The following CIP2A variants were observed in gnomAD, a reference collection of about 807,000 sequenced individuals.
The protein encoded by CIP2A is protein CIP2A.
In CIP2A, 103 loss-of-function variants were observed where a neutral mutation model predicts 110.9. That is an observed-to-expected ratio of 0.93 (90% CI 0.79 to 1.09). The LOEUF (loss-of-function observed/expected upper bound fraction) is 1.09, where lower values mean the gene tolerates loss of function less well. Ranked by LOEUF, CIP2A falls within the 50% of genes least tolerant of loss-of-function variation. CIP2A has a pLI of 0.00. For missense variants in CIP2A, 1,088 were observed against 1,038.4 expected (o/e 1.05, Z -0.66); for synonymous variants, 381 against 361.6 (o/e 1.05, Z -0.61).
Position 108,589,343 on chromosome 3 carries a change from G to C in CIP2A, c.33C>G (p.Leu11=), listed in dbSNP as rs62638698. The part of the protein sequence containing the change: MDSTACLKSL[L]LTVSQYKAVK... ...CGGCTTTGTACTGACTGACAGTCAG[G>C]AGCAAGGACTTCAAGCAGGCAGTGG... Residue 11 remains leucine, a synonymous_variant, in exon 1 of 21, where the codon CTC becomes CTG. Coordinates refer to ENST00000295746, the MANE Select transcript of CIP2A (RefSeq NM_020890.3). 10 of 1,613,914 alleles carry C rather than the reference G, an allele frequency of 6.2e-6. No homozygotes were observed. The South Asian group carries it at 9.9e-5, about 16-fold the overall frequency.
intron 1 of CIP2A, among the ~76,000 whole-genome samples, chr3:108,587,924 G>C (rs1293101783): frequency 6.6e-6 from 1 of 152,114 alleles, no homozygotes; most frequent in South Asian, 2.1e-4. Flanking sequence ...TGGGACAACA[G>C]AGAGACGCCA....
intron 2 of CIP2A, among the ~76,000 whole-genome samples, chr3:108,584,331 C>T (rs1324368647): frequency 6.6e-6 from 1 of 152,044 alleles, no homozygotes; most frequent in Admixed American, 6.6e-5. Context: ...AATTAAAGAT[C>T]CAAAAGTATT....
chr3:108,558,512 G>A (rs1195267402), intron 16 of CIP2A, among the ~76,000 whole-genome samples: 2 of 152,040 alleles, frequency 1.3e-5, no homozygotes, highest in Non-Finnish European at 2.9e-5. Flanking sequence ...CACCTATTAT[G>A]TGCCAAGTGC....
intron 13 of CIP2A, among the ~76,000 whole-genome samples, chr3:108,562,793 G>A (rs1396847835): frequency 2.0e-5 from 3 of 151,990 alleles, no homozygotes; most frequent in Non-Finnish European, 4.4e-5. Context: ...TAAACAGTCA[G>A]GAAGGAAAAG....
chr3:108,581,630 GC>G, intron 4 of CIP2A, 119 bp from the exon 5 acceptor site: 1 of 590,850 alleles, frequency 1.7e-6, no homozygotes, highest in Non-Finnish European at 2.9e-6. Flanking sequence ...CCTTTTACAC[GC>G]AAAAAAAAAA....
At chr3:108,580,830 G>A (rs1422472565) in intron 5 of CIP2A, among the ~76,000 whole-genome samples, 2 of 152,140 alleles carry the variant, frequency 1.3e-5, no homozygotes, top group Non-Finnish European at 2.9e-5. Context: ...GGTTCACCAT[G>A]TTGGCCGAGA....
At chr3:108,576,456 T>C (rs1192148259) in intron 7 of CIP2A, 110 bp from the exon 8 acceptor site, 2 of 569,928 alleles carry the variant, frequency 3.5e-6, no homozygotes, top group Non-Finnish European at 5.9e-6. Context: ...CTTTCATCTA[T>C]TTATTTGGGC....
At chr3:108,576,634 CAGT>C (rs1938662958) in intron 7 of CIP2A, among the ~76,000 whole-genome samples, 1 of 152,098 alleles carries the variant, frequency 6.6e-6, no homozygotes, top group Non-Finnish European at 1.5e-5. Context: ...TTAAAATTTT[CAGT>C]GTCTCAATTG....
chr3:108,569,894 A>G (rs1445258315), intron 8 of CIP2A, among the ~76,000 whole-genome samples: 2 of 152,082 alleles, frequency 1.3e-5, no homozygotes, highest in Non-Finnish European at 2.9e-5. Context: ...CATAGTACTT[A>G]AATTATTTTT....
In CIP2A at chr3:108,579,614, T is replaced by C. The variant is rs770252327; in HGVS notation, c.624A>G (p.Ala208=). The C allele has an allele frequency of 6.2e-7, 1 of 1,603,822 alleles. No homozygotes were observed. The highest frequency in any genetic ancestry group is 8.5e-7 in the Non-Finnish European group (1 of 1,173,640). The change falls in exon 6 of 21, where the codon GCA becomes GCG. Residue 208 remains alanine, a synonymous_variant. Transcript: ENST00000295746. ...ATGTCAAACTGGATAATATTGAAAG[T>C]GCAAACACAACCACAGTTAAACTAC... is the stretch of plus-strand genomic sequence containing the variant. ...AHSSLTVVVF[A]LSILSSLTLN...
Position 108,589,359 on chromosome 3 carries a change from C to T in CIP2A, c.17G>A (p.Cys6Tyr), listed in dbSNP as rs1355881274. Residue 6 changes from cysteine to tyrosine, a missense_variant, in exon 1 of 21, where the codon TGC becomes TAC. Cys to Tyr is a radical substitution (Grantham distance 194). Transcript: ENST00000295746. ...GACAGTCAGGAGCAAGGACTTCAAG[C>T]AGGCAGTGGAGTCCATTGCACCGGC... MDSTA[C>Y]LKSLLLTVSQ... 1 of 1,613,328 alleles carries T rather than the reference C, an allele frequency of 6.2e-7. No homozygotes were observed. Among genetic ancestry groups the T allele is most frequent in the Non-Finnish European group, 8.5e-7 (1 of 1,179,634 alleles).
Position 108,559,786 on chromosome 3 carries a change from G to T in CIP2A, c.1984C>A (p.Arg662Ser). The change falls in exon 16 of 21, where the codon CGC becomes AGC. Residue 662 changes from arginine to serine, a missense_variant. Arg to Ser is a moderately radical substitution (Grantham distance 110). Transcript: ENST00000295746. The stretch of plus-strand genomic sequence containing the variant: ...GTTTCAGCTTGAGTTCTTTGACAGC[G>T]ATGCTGAGCAATCAGTCTATCAGCC... ...AQADRLIAQH[R>S]CQRTQAETEA... is the part of the protein sequence containing the mutation. The T allele has an allele frequency of 6.3e-7, 1 of 1,587,738 alleles. No individual in the cohort carries two copies. Among genetic ancestry groups the T allele is most frequent in the African/African-American group, 1.3e-5 (1 of 74,582 alleles).
intron 14 of CIP2A, 29 bp downstream of exon 14, chr3:108,560,620 C>A: frequency 7.1e-7 from 1 of 1,405,994 alleles, no homozygotes. Flanking sequence ...TAATATGTAC[C>A]AGGTTATAAT....
At chr3:108,571,187 G>A (rs1938392909) in intron 8 of CIP2A, among the ~76,000 whole-genome samples, 1 of 152,072 alleles carries the variant, frequency 6.6e-6, no homozygotes, top group Admixed American at 6.6e-5. Context: ...GACCTGCCTG[G>A]CTGTTTTACA....
intron 14 of CIP2A, 113 bp downstream of exon 14, chr3:108,560,536 T>C (rs1470535813): frequency 7.8e-6 from 5 of 643,148 alleles, no homozygotes; most frequent in Admixed American, 5.8e-5. Context: ...TTATTTCTTA[T>C]ATTAAGGTTT....
chr3:108,565,923 T>C (rs1008560403), intron 11 of CIP2A, among the ~76,000 whole-genome samples: 1 of 151,740 alleles, frequency 6.6e-6, no homozygotes. Context: ...TTACTGACAA[T>C]TGTGACATCT....
At chr3:108,566,468 C>A in intron 11 of CIP2A, 29 bp downstream of exon 11, 1 of 1,567,182 alleles carries the variant, frequency 6.4e-7, no homozygotes, top group South Asian at 1.2e-5. Context: ...ACTGCCTTGC[C>A]ATTTTGTCAT....
At chr3:108,564,155 A>G (rs1409309587) in intron 12 of CIP2A, among the ~76,000 whole-genome samples, 2 of 152,012 alleles carry the variant, frequency 1.3e-5, no homozygotes, top group African/African-American at 4.8e-5. Flanking sequence ...ATAAGAGCAG[A>G]GCTTTATCTC....
chr3:108,559,498 T>G (rs542922187), intron 16 of CIP2A, among the ~76,000 whole-genome samples: 1 of 152,160 alleles, frequency 6.6e-6, no homozygotes, highest in Admixed American at 6.6e-5. Flanking sequence ...GAAAAAGGTT[T>G]AGAATATAAG....
Sources: gnomAD v4.1 joint callset for allele counts (sites outside exome capture counted in the v4.1 genomes callset) on GRCh38, gnomAD v4.1.1 for gene constraint, MANE v1.5 for transcripts, NCBI Gene and HGNC (gene_info 2026-07-23, HGNC 2026-07-21) for gene names.